The following PTGES variants were observed in gnomAD, a reference collection of about 807,000 sequenced individuals.
PTGES encodes the protein prostaglandin E synthase.
A neutral mutation model predicts 11.8 loss-of-function variants in PTGES; 3 were observed. The ratio of observed to expected loss-of-function variants is 0.25; its 90% CI spans 0.12 to 0.66. The LOEUF is 0.66. PTGES is among the 30% of genes least tolerant of loss of function. PTGES has a pLI of 0.82. For missense variants in PTGES, 180 were observed against 213.0 expected, an observed-to-expected ratio of 0.85 and a Z score of 0.96; for synonymous variants, 94 against 90.4, an observed-to-expected ratio of 1.04 and a Z score of -0.22.
chr9:129,739,808 C>A lies in PTGES; in HGVS notation c.262G>T (p.Val88Phe). Residue 88 changes from valine to phenylalanine, a missense_variant, in exon 3 of 3, where the codon GTC becomes TTC. Transcript: ENST00000340607. The surrounding 1 kb of genome is among the most constrained non-coding windows in gnomAD (Gnocchi z 5.7). Reference sequence around the variant, plus strand: ...GGGTTAGGACCCAGAAAGGAGTAGACGAAGCCCAGGAAAAGGAAGGGGTAG... The same window carrying A: ...GGGTTAGGACCCAGAAAGGAGTAGAAGAAGCCCAGGAAAAGGAAGGGGTAG... ...TIYPFLFLGF[V>F]YSFLGPNPFV... The A allele has an allele frequency of 6.4e-7, 1 of 1,571,582 alleles. No homozygotes were observed. The highest frequency in any genetic ancestry group is 1.2e-5 in the South Asian group (1 of 85,434).
At chr9:129,744,033 G>A (rs934646590) in intron 2 of PTGES, among the ~76,000 whole-genome samples, 2 of 152,148 alleles carry the variant, frequency 1.3e-5, no homozygotes, top group East Asian at 3.9e-4. Context: ...ATTTTTAGTA[G>A]AGACAGGGTT....
chr9:129,746,401 C>T (rs550704146), intron 2 of PTGES, among the ~76,000 whole-genome samples: 21 of 152,266 alleles, frequency 1.4e-4, no homozygotes, highest in African/African-American at 4.8e-4. Flanking sequence ...CTTGAAAGTA[C>T]AGCCAGTGCT....
chr9:129,750,782 C>T (rs1165216794), intron 1 of PTGES, among the ~76,000 whole-genome samples: 1 of 152,236 alleles, frequency 6.6e-6, no homozygotes, highest in Non-Finnish European at 1.5e-5. Context: ...GGTGAGGACA[C>T]TGAGCTCCCA....
chr9:129,748,358 T>C (rs1039793392), intron 2 of PTGES, among the ~76,000 whole-genome samples: 1 of 150,528 alleles, frequency 6.6e-6, no homozygotes, highest in Non-Finnish European at 1.5e-5. Context: ...TTGGCAGGAG[T>C]GTTTGCCCCT....
At chr9:129,740,051 C>T (rs1453150164) in intron 2 of PTGES, among the ~76,000 whole-genome samples, 191 bp from the exon 3 acceptor site, 1 of 151,954 alleles carries the variant, frequency 6.6e-6, no homozygotes, top group Non-Finnish European at 1.5e-5. Context: ...CAGCTCCAAG[C>T]TTATGCTTGC....
intron 2 of PTGES, among the ~76,000 whole-genome samples, chr9:129,744,525 G>GGC (rs1425963559): frequency 6.7e-6 from 1 of 148,824 alleles, no homozygotes; most frequent in Non-Finnish European, 1.5e-5. Flanking sequence ...CAGTGAGCCG[G>GGC]GATTCCACTG....
chr9:129,743,415 A>G (rs1833019649), intron 2 of PTGES, among the ~76,000 whole-genome samples: 1 of 152,070 alleles, frequency 6.6e-6, no homozygotes, highest in Non-Finnish European at 1.5e-5. Flanking sequence ...AATAATAACC[A>G]TTTTTTTAAG....
At position 129,745,433 on chromosome 9, in the gene PTGES, T is replaced by G. The variant is rs1833040323; in HGVS notation, c.209+3222A>C. ...TCATACCATAAACCCTGGTCTAATA[T>G]TTAACCAACTTTTGCTTCCAGGTGG... On this transcript the variant is annotated intron_variant, in intron 2 of 2. Coordinates refer to ENST00000340607, the MANE Select transcript of PTGES (RefSeq NM_004878.5). The surrounding 1 kb of genome is among the most constrained non-coding windows in gnomAD (Gnocchi z 4.2). Among the ~76,000 whole-genome samples, 1 of 152,272 alleles carries G rather than the reference T, an allele frequency of 6.6e-6. No individual in the cohort carries two copies. The highest frequency in any genetic ancestry group is 2.4e-5 in the African/African-American group (1 of 41,476).
intron 1 of PTGES, among the ~76,000 whole-genome samples, chr9:129,751,531 T>C (rs1360537339): frequency 6.6e-6 from 1 of 151,376 alleles, no homozygotes. Flanking sequence ...ATACAAAAAT[T>C]AGCAGGGCAT....
chr9:129,747,087 A>G (rs943099130), intron 2 of PTGES, among the ~76,000 whole-genome samples: 4 of 152,138 alleles, frequency 2.6e-5, no homozygotes, highest in African/African-American at 9.7e-5. Context: ...TAATTTTTGT[A>G]TCTTTAGTGG....
intron 2 of PTGES, among the ~76,000 whole-genome samples, chr9:129,746,319 C>T (rs1362006668): frequency 6.6e-6 from 1 of 152,148 alleles, no homozygotes; most frequent in East Asian, 1.9e-4. Context: ...TCCTTCTCCA[C>T]TGTCCAGGAG....
chr9:129,742,385 C>T (rs1018360087), intron 2 of PTGES, among the ~76,000 whole-genome samples: 3 of 150,796 alleles, frequency 2.0e-5, no homozygotes, highest in Non-Finnish European at 4.4e-5. Context: ...CGTCCTCTGG[C>T]AATTGAGCTG....
In PTGES at chr9:129,745,411, T is replaced by C. The variant is rs946249095; in HGVS notation, c.209+3244A>G. On this transcript the variant is annotated intron_variant, in intron 2 of 2. Coordinates refer to ENST00000340607, the MANE Select transcript of PTGES (RefSeq NM_004878.5). The surrounding 1 kb of genome is among the most constrained non-coding windows in gnomAD (Gnocchi z 4.2). Reference sequence around the variant, plus strand: ...TTTGACAGAAGGGTGACTCGAATCATACCATAAACCCTGGTCTAATATTTA... The same window carrying C: ...TTTGACAGAAGGGTGACTCGAATCACACCATAAACCCTGGTCTAATATTTA... Among the ~76,000 whole-genome samples the C allele has an allele frequency of 2.0e-5, 3 of 152,226 alleles. No individual in the cohort carries two copies. The highest frequency in any genetic ancestry group is 7.2e-5 in the African/African-American group (3 of 41,450).
At chr9:129,748,780 G>A (rs747317176) in intron 1 of PTGES, 43 bp from the exon 2 acceptor site, 1 of 1,499,866 alleles carries the variant, frequency 6.7e-7, no homozygotes, top group Non-Finnish European at 9.1e-7. Context: ...GAGACAAACG[G>A]CCCAGTCACC....
chr9:129,739,482 C>T lies in PTGES; in HGVS notation c.*129G>A, dbSNP rs199585469. ...GGCCCACTGTGCCCAGAGACCCACA[C>T]GCGCAGCAGGCTGCCAGGAAACCAG... On this transcript the variant is annotated 3_prime_UTR_variant, in exon 3 of 3. Transcript: ENST00000340607. The surrounding 1 kb of genome is among the most constrained non-coding windows in gnomAD (Gnocchi z 5.7). 207 of 1,331,706 alleles carry T rather than the reference C, an allele frequency of 1.6e-4. No individual in the cohort carries two copies. Among genetic ancestry groups the T allele is most frequent in the African/African-American group, 3.0e-4 (20 of 67,716 alleles). 82.5% of individuals were successfully genotyped at this position (1,331,706 alleles called of 1,614,324 possible).
Position 129,739,321 on chromosome 9 carries a change from C to G in PTGES, c.*290G>C, listed in dbSNP as rs771142559. ...GAGAGGGAGTGATGTTTTTGATGCT[C>G]TGTTACTTTAGCTGAAGGATTTTCT... On this transcript the variant is annotated 3_prime_UTR_variant, in exon 3 of 3. Coordinates refer to ENST00000340607, the MANE Select transcript of PTGES (RefSeq NM_004878.5). This position sits in a 1 kb window ranked among gnomAD's most constrained non-coding sequence, Gnocchi z 5.7. 2.5e-6 allele frequency: 1 copy of G among 395,890 alleles called. No homozygotes were observed. The highest frequency in any genetic ancestry group is 4.6e-6 in the Non-Finnish European group (1 of 217,326). The allele number at this position is 395,890 out of a possible 1,614,324, so 24.5% of individuals were successfully genotyped here.
In PTGES at chr9:129,748,705, G is replaced by T. The variant is rs750177988; in HGVS notation, c.159C>A (p.His53Gln). The change falls in exon 2 of 3, where the codon CAC (histidine) becomes CAA (glutamine). Residue 53 changes from histidine (H) to glutamine (Q), a missense_variant. Coordinates refer to ENST00000340607, the MANE Select transcript of PTGES (RefSeq NM_004878.5). ...AFANPEDALR[H>Q]GGPQYCRSDP... ...CGCTCCTGCAATACTGGGGGCCTCC[G>T]TGTCTCAGGGCATCCTCGGGGTTGG... The T allele has an allele frequency of 5.7e-6, 9 of 1,587,848 alleles. No individual in the cohort carries two copies. Among genetic ancestry groups the T allele is most frequent in the Non-Finnish European group, 7.7e-6 (9 of 1,170,802 alleles).
In PTGES at chr9:129,748,605, A is replaced by G. The variant is rs780930517; in HGVS notation, c.209+50T>C. 22 of 1,437,200 alleles carry G rather than the reference A, an allele frequency of 1.5e-5. No homozygotes were observed. The South Asian group carries it at 3.1e-4, about 20-fold the overall frequency. The allele number at this position is 1,437,200 out of a possible 1,614,324, so 89.0% of individuals were successfully genotyped here. A position where few individuals can be genotyped will look rare whatever the true frequency, so the allele number is the denominator to read the frequency against. On this transcript the variant is annotated intron_variant, in intron 2 of 2. Coordinates refer to ENST00000340607, the MANE Select transcript of PTGES (RefSeq NM_004878.5). ...CCCTGTGTGCAGAAGAAGTTCTGAA[A>G]GGGCAGGCCATGGCCAGGTGTGGCC...
intron 2 of PTGES, among the ~76,000 whole-genome samples, chr9:129,744,541 C>T (rs530417642): frequency 3.5e-5 from 5 of 144,712 alleles, no homozygotes; most frequent in Admixed American, 7.2e-5. Flanking sequence ...CACTGCACTC[C>T]AGCCTGGGCG....
Sources: gnomAD v4.1 joint callset for allele counts (sites outside exome capture counted in the v4.1 genomes callset) on GRCh38, gnomAD v4.1.1 for gene constraint, Gnocchi (gnomAD v3.1) non-coding constraint, MANE v1.5 for transcripts, NCBI Gene and HGNC (gene_info 2026-07-23, HGNC 2026-07-21) for gene names.